Variants in DPP10 observed in about 807,000 individuals in gnomAD.
DPP10 encodes the protein inactive dipeptidyl peptidase 10.
In DPP10, 33 loss-of-function variants were observed where a neutral mutation model predicts 120.9. The observed-to-expected ratio is 0.27, with a 90% CI of 0.21 to 0.37. DPP10 has a LOEUF of 0.37. DPP10 is among the 10% of genes least tolerant of loss of function. The pLI, the probability that DPP10 is intolerant of heterozygous loss-of-function variation, is 1.00. For missense variants in DPP10, 816 were observed against 942.8 expected, an observed-to-expected ratio of 0.87 and a Z score of 1.76; for synonymous variants, 337 against 326.1, an observed-to-expected ratio of 1.03 and a Z score of -0.36.
chr2:115,188,086 C>A (rs909851574), intron 1 of DPP10, among the ~76,000 whole-genome samples: 2 of 134,700 alleles, frequency 1.5e-5, no homozygotes, highest in South Asian at 2.4e-4. Context: ...AGAGAGAGAG[C>A]GCACTCAGGA....
At chr2:114,812,583 G>GACACACACACACACACAC (rs3036385) in intron 1 of DPP10, among the ~76,000 whole-genome samples, 2,157 of 134,404 alleles carry the variant, frequency 0.016, 21 homozygotes, top group Non-Finnish European at 0.02. Context: ...GTGAGACATT[G>GACACACACACACACACAC]ACACACACAC....
intron 8 of DPP10, among the ~76,000 whole-genome samples, chr2:115,730,944 A>G (rs13024934): frequency 0.18 from 27,173 of 152,150 alleles, 2,674 homozygotes; most frequent in African/African-American, 0.25. Flanking sequence ...ACTAAGACGC[A>G]CCCAGTGCTG....
chr2:115,054,552 C>G (rs1405440654), intron 1 of DPP10, among the ~76,000 whole-genome samples: 1 of 152,186 alleles, frequency 6.6e-6, no homozygotes, highest in Non-Finnish European at 1.5e-5. Context: ...AACTAAACAA[C>G]TAAAGTTTAC....
At chr2:115,502,301 G>A (rs1167017429) in intron 4 of DPP10, among the ~76,000 whole-genome samples, 2 of 152,116 alleles carry the variant, frequency 1.3e-5, no homozygotes, top group African/African-American at 4.8e-5. Flanking sequence ...AAATAATTGT[G>A]TTAAGGCATT....
chr2:114,450,211 G>T (rs1190695602), intron 1 of DPP10, among the ~76,000 whole-genome samples: 1 of 151,956 alleles, frequency 6.6e-6, no homozygotes, highest in African/African-American at 2.4e-5. Context: ...CCCCAAAAAT[G>T]GTTCTTTTAG....
At chr2:114,711,081 GA>G (rs70937299) in intron 1 of DPP10, among the ~76,000 whole-genome samples, 1 of 151,002 alleles carries the variant, frequency 6.6e-6, no homozygotes, top group Admixed American at 6.6e-5. Flanking sequence ...AGCAGGGCAA[GA>G]AAAAAAAAGA....
At chr2:115,622,829 C>CTTTTTTTTTTTTTTTTTTTT (rs765780452) in intron 5 of DPP10, among the ~76,000 whole-genome samples, 7 of 128,360 alleles carry the variant, frequency 5.5e-5, no homozygotes, top group African/African-American at 5.8e-5. Flanking sequence ...TTCGTTTATT[C>CTTTTTTTTTTTTTTTTTTTT]TTTTTTTTTT....
intron 1 of DPP10, among the ~76,000 whole-genome samples, chr2:114,709,248 A>G (rs1198499117): frequency 3.9e-5 from 6 of 152,174 alleles, no homozygotes; most frequent in African/African-American, 1.4e-4. Flanking sequence ...TGGCAGCTAC[A>G]GTGCTACATC....
At chr2:115,225,070 A>T (rs546507238) in intron 1 of DPP10, among the ~76,000 whole-genome samples, 1 of 152,270 alleles carries the variant, frequency 6.6e-6, no homozygotes, top group East Asian at 1.9e-4. Flanking sequence ...AATGTTCTGG[A>T]TTTTGATTTT....
intron 1 of DPP10, among the ~76,000 whole-genome samples, chr2:114,844,306 A>G (rs1022481524): frequency 6.6e-6 from 1 of 152,084 alleles, no homozygotes; most frequent in African/African-American, 2.4e-5. Context: ...CAAATGCTAA[A>G]TGCCATGCTC....
chr2:115,146,589 A>G (rs1404993042), intron 1 of DPP10, among the ~76,000 whole-genome samples: 16 of 140,628 alleles, frequency 1.1e-4, no homozygotes, highest in East Asian at 4.1e-4. Flanking sequence ...ACAACAGGGG[A>G]AAAAAAAAAA....
intron 3 of DPP10, among the ~76,000 whole-genome samples, chr2:115,399,976 G>A (rs1373721670): frequency 2.0e-5 from 3 of 152,108 alleles, no homozygotes; most frequent in African/African-American, 7.2e-5. Context: ...GTCTCATGAA[G>A]CCTCCAATCA....
intron 5 of DPP10, among the ~76,000 whole-genome samples, chr2:115,645,000 G>A (rs893640053): frequency 6.6e-6 from 1 of 152,118 alleles, no homozygotes; most frequent in African/African-American, 2.4e-5. Flanking sequence ...TGATAGAGTA[G>A]GAAAGTCAGA....
At chr2:115,636,217 A>C (rs1195572595) in intron 5 of DPP10, among the ~76,000 whole-genome samples, 2 of 152,120 alleles carry the variant, frequency 1.3e-5, no homozygotes, top group Non-Finnish European at 2.9e-5. Context: ...TGGGCTTCTC[A>C]AAAAGTTAAT....
intron 2 of DPP10, among the ~76,000 whole-genome samples, chr2:115,329,513 T>C (rs1031870883): frequency 6.6e-6 from 1 of 152,124 alleles, no homozygotes; most frequent in Non-Finnish European, 1.5e-5. Flanking sequence ...TGTATACATG[T>C]GCCATGTTGG....
chr2:114,685,039 T>G (rs1699273393), intron 1 of DPP10, among the ~76,000 whole-genome samples: 1 of 151,986 alleles, frequency 6.6e-6, no homozygotes, highest in African/African-American at 2.4e-5. Context: ...TTATTTTTGT[T>G]TGTACATGAA....
At position 114,792,467 on chromosome 2, in the gene DPP10, C is replaced by T. The variant is rs529372046; in HGVS notation, c.60+349629C>T. 9.2e-5 allele frequency among the ~76,000 whole-genome samples: 14 copies of T among 152,268 alleles called. No homozygotes were observed. In the South Asian group the frequency reaches 2.9e-3, roughly 32 times the overall value. Reference sequence around the variant, plus strand: ...GAGGGAAATAAGTAGAACTATTCTACAAAAAATAGTTAACACAGCAGGCCT... The same window carrying T: ...GAGGGAAATAAGTAGAACTATTCTATAAAAAATAGTTAACACAGCAGGCCT... On this transcript the variant is annotated intron_variant, in intron 1 of 25. Transcript: ENST00000410059.
chr2:115,840,006 G>A (rs1232335875), intron 24 of DPP10, among the ~76,000 whole-genome samples: 3 of 152,060 alleles, frequency 2.0e-5, no homozygotes, highest in Non-Finnish European at 4.4e-5. Flanking sequence ...CAGAATGCCA[G>A]TATCCAACTG....
At chr2:115,636,458 T>C (rs2086340303) in intron 5 of DPP10, among the ~76,000 whole-genome samples, 1 of 152,164 alleles carries the variant, frequency 6.6e-6, no homozygotes, top group South Asian at 2.1e-4. Flanking sequence ...GTAATGGTGT[T>C]GTGGTTATAT....
Sources: allele counts gnomAD v4.1 joint callset (sites outside exome capture counted in the v4.1 genomes callset), GRCh38; gene constraint gnomAD v4.1.1; transcripts MANE v1.5; gene names NCBI Gene and HGNC (gene_info 2026-07-23, HGNC 2026-07-21).